Variants in DMD observed in about 807,000 individuals in gnomAD.
DMD encodes mutant dystrophin.
DMD carries 63 observed loss-of-function variants against 330.1 expected under a neutral mutation model. The observed-to-expected ratio is 0.19, with a 90% CI of 0.16 to 0.24. DMD has a LOEUF of 0.24. Ranked by LOEUF, DMD falls within the 10% of genes least tolerant of loss-of-function variation. The pLI, the probability that DMD is intolerant of heterozygous loss-of-function variation, is 1.00. For synonymous variants in DMD, 1,223 were observed against 959.8 expected (o/e 1.27, Z -5.07); for missense variants, 3,344 against 2,684.1 (o/e 1.25, Z -5.43).
chrX:32,142,370 AAG>A (rs1459535665), intron 44 of DMD, among the ~76,000 whole-genome samples: 10 of 112,192 alleles, frequency 8.9e-5, no homozygotes, highest in Admixed American at 6.6e-4. Flanking sequence ...CTCTGAGAAA[AAG>A]AGAGGTTTTG....
At chrX:31,897,117 C>T (rs2149792982) in intron 47 of DMD, among the ~76,000 whole-genome samples, 1 of 108,978 alleles carries the variant, frequency 9.2e-6, no homozygotes, top group African/African-American at 3.3e-5. Flanking sequence ...GTTCCCCTTC[C>T]TGTGTCCATG....
At chrX:33,103,331 C>G (rs181202502) in intron 1 of DMD, among the ~76,000 whole-genome samples, 4 of 111,295 alleles carry the variant, frequency 3.6e-5, no homozygotes, top group Admixed American at 9.6e-5. Context: ...TGCATGTATA[C>G]GCCCAGATGG....
chrX:32,752,153 T>A (rs955877805), intron 7 of DMD, among the ~76,000 whole-genome samples: 23 of 111,505 alleles, frequency 2.1e-4, no homozygotes, highest in Admixed American at 1.6e-3. Flanking sequence ...AGGGCCACTG[T>A]CCTCCAGACC....
chrX:31,932,917 A>G (rs1437718925), intron 45 of DMD, among the ~76,000 whole-genome samples: 3 of 111,666 alleles, frequency 2.7e-5, no homozygotes, highest in Non-Finnish European at 5.6e-5. Flanking sequence ...TATCCTCTGC[A>G]TTGTAGGGTA....
intron 44 of DMD, among the ~76,000 whole-genome samples, chrX:32,030,932 G>A (rs1406964941): frequency 4.5e-5 from 5 of 111,669 alleles, no homozygotes; most frequent in African/African-American, 9.7e-5. Flanking sequence ...TGCAACATCT[G>A]CCCTGTTATT....
At chrX:31,481,800 T>C (rs1450864577) in intron 57 of DMD, among the ~76,000 whole-genome samples, 4 of 111,448 alleles carry the variant, frequency 3.6e-5, no homozygotes, top group African/African-American at 1.3e-4. Flanking sequence ...GGTATCTTTC[T>C]AGGTATTTAC....
intron 51 of DMD, among the ~76,000 whole-genome samples, chrX:31,751,182 T>A (rs2088531694): frequency 9.1e-6 from 1 of 109,536 alleles, no homozygotes; most frequent in Non-Finnish European, 1.9e-5. Flanking sequence ...AGAGCCCGCA[T>A]CGCCAAGTCA....
At chrX:31,707,640 T>C (rs1363268380) in intron 52 of DMD, among the ~76,000 whole-genome samples, 1 of 111,747 alleles carries the variant, frequency 8.9e-6, no homozygotes, top group Admixed American at 9.6e-5. Context: ...AGAAAACTTC[T>C]GTGTTGTGAA....
chrX:31,987,475 T>C (rs1189161780), intron 44 of DMD, among the ~76,000 whole-genome samples: 1 of 111,756 alleles, frequency 8.9e-6, no homozygotes, highest in African/African-American at 3.3e-5. Context: ...CATTCTTTGG[T>C]GACCACCGTC....
At chrX:31,257,413 A>G (rs1603244457) in intron 63 of DMD, among the ~76,000 whole-genome samples, 1 of 110,399 alleles carries the variant, frequency 9.1e-6, no homozygotes, top group East Asian at 2.9e-4. Context: ...TCTGCTTTCA[A>G]GATACCTTTC....
At chrX:31,933,336 C>A (rs1396998953) in intron 45 of DMD, among the ~76,000 whole-genome samples, 1 of 111,346 alleles carries the variant, frequency 9.0e-6, no homozygotes, top group Non-Finnish European at 1.9e-5. Context: ...TGACTCACAA[C>A]CTTATTTGAG....
intron 44 of DMD, among the ~76,000 whole-genome samples, chrX:32,147,669 G>T (rs570036916): frequency 9.0e-6 from 1 of 110,941 alleles, no homozygotes; most frequent in East Asian, 2.8e-4. Context: ...ATTTTTGTAT[G>T]TCATATATGT....
intron 1 of DMD, among the ~76,000 whole-genome samples, chrX:33,052,368 C>A (rs1255079775): frequency 8.9e-6 from 1 of 112,007 alleles, no homozygotes. Context: ...ACGAGAATGA[C>A]TTTTTTTCTC....
At position 31,148,831 on chromosome X, in the gene DMD, A is replaced by T. The variant is rs370435162; in HGVS notation, c.10554-1313T>A. Among the ~76,000 whole-genome samples the T allele has an allele frequency of 3.6e-5, 4 of 111,479 alleles. No homozygotes were observed. In the East Asian group the frequency reaches 8.5e-4, roughly 24 times the overall value. ...CTTCTTCCATGTTAACTGGCTTTTCATGCTTCCTTTACCCATTTTCCTGCT... is the reference window on the plus strand; with the variant it reads ...CTTCTTCCATGTTAACTGGCTTTTCTTGCTTCCTTTACCCATTTTCCTGCT... On this transcript the variant is annotated intron_variant, in intron 74 of 78. Coordinates refer to ENST00000357033, the MANE Select transcript of DMD (RefSeq NM_004006.3).
At chrX:32,750,779 T>A (rs193113304) in intron 7 of DMD, among the ~76,000 whole-genome samples, 1 of 111,920 alleles carries the variant, frequency 8.9e-6, no homozygotes, top group Non-Finnish European at 1.9e-5. Flanking sequence ...GGTTTGGCTG[T>A]GCCCTCACCC....
At chrX:32,639,230 T>C (rs762980184) in intron 11 of DMD, among the ~76,000 whole-genome samples, 1 of 112,253 alleles carries the variant, frequency 8.9e-6, no homozygotes, top group South Asian at 3.7e-4. Flanking sequence ...GTTGCATTTT[T>C]CAATCAAATT....
intron 44 of DMD, among the ~76,000 whole-genome samples, chrX:32,179,413 G>C (rs1398510309): frequency 1.8e-5 from 2 of 111,795 alleles, no homozygotes; most frequent in African/African-American, 6.5e-5. Context: ...ACATTCCACA[G>C]CCAGAAAATA....
At position 31,478,383 on chromosome X, in the gene DMD, G is replaced by T. The variant is rs2149254447; in HGVS notation, c.8669-9C>A. 8.3e-7 allele frequency: 1 copy of T among 1,211,290 alleles called. No individual in the cohort carries two copies. Among genetic ancestry groups the T allele is most frequent in the East Asian group, 3.0e-5 (1 of 33,851 alleles). ...CTCCTCAGGAGGCAGCTCTAAATTG[G>T]CAATATGACAAGGTTTTAGGCCACA... is the stretch of plus-strand genomic sequence containing the variant. On this transcript the variant is annotated splice_polypyrimidine_tract_variant and intron_variant, in intron 58 of 78. Transcript: ENST00000357033.
intron 60 of DMD, among the ~76,000 whole-genome samples, chrX:31,429,580 C>T (rs891414920): frequency 8.9e-6 from 1 of 111,779 alleles, no homozygotes; most frequent in Non-Finnish European, 1.9e-5. Context: ...TCACTTTCCC[C>T]AGAGTGAGCA....
Sources: allele counts gnomAD v4.1 joint callset (sites outside exome capture counted in the v4.1 genomes callset), GRCh38; gene constraint gnomAD v4.1.1; transcripts MANE v1.5; gene names NCBI Gene and HGNC (gene_info 2026-07-23, HGNC 2026-07-21).